NRG3: variants seen among roughly 807,000 people sequenced by gnomAD.
The protein encoded by NRG3 is neuregulin 3.
In NRG3, 31 loss-of-function variants were observed where a neutral mutation model predicts 66.9. The ratio of observed to expected loss-of-function variants is 0.46; its 90% CI spans 0.35 to 0.63. NRG3 has a LOEUF of 0.63. Among genes scored for constraint, NRG3 ranks in the 20% least tolerant of loss-of-function variants. The probability of loss-of-function intolerance (pLI) is 0.00; values close to 1 mark genes in which losing one functional copy is unlikely to be tolerated. For missense variants in NRG3, 910 were observed against 878.9 expected (o/e 1.04, Z -0.45); for synonymous variants, 393 against 359.4 (o/e 1.09, Z -1.06).
chr10:81,924,611 A>G (rs894627995), intron 1 of NRG3, among the ~76,000 whole-genome samples: 4 of 152,198 alleles, frequency 2.6e-5, no homozygotes, highest in Admixed American at 1.3e-4. Flanking sequence ...TAAGATGGCC[A>G]TCAACATGTG....
intron 3 of NRG3, among the ~76,000 whole-genome samples, chr10:82,828,238 G>A (rs1311114938): frequency 6.6e-6 from 1 of 152,168 alleles, no homozygotes; most frequent in East Asian, 1.9e-4. Context: ...AAAAACTTCT[G>A]CTAGGAATGT....
chr10:82,182,388 T>C (rs1420524386), intron 1 of NRG3, among the ~76,000 whole-genome samples: 1 of 151,892 alleles, frequency 6.6e-6, no homozygotes, highest in East Asian at 1.9e-4. Context: ...CATTGTTTTC[T>C]TTCTCATTTA....
chr10:82,927,071 G>T (rs1847074764), intron 4 of NRG3, among the ~76,000 whole-genome samples: 1 of 152,118 alleles, frequency 6.6e-6, no homozygotes, highest in Non-Finnish European at 1.5e-5. Context: ...TCAAAGGACT[G>T]CCCATCTGTC....
chr10:82,107,843 G>T (rs974636632), intron 1 of NRG3, among the ~76,000 whole-genome samples: 3 of 152,216 alleles, frequency 2.0e-5, no homozygotes, highest in Non-Finnish European at 4.4e-5. Context: ...AAACAGTTGA[G>T]TTTACATAGC....
chr10:82,483,513 T>G (rs1419172960), intron 2 of NRG3, among the ~76,000 whole-genome samples: 2 of 152,226 alleles, frequency 1.3e-5, no homozygotes, highest in Non-Finnish European at 1.5e-5. Context: ...TTGCTGATGA[T>G]GTAAAGTAGG....
At chr10:82,369,151 C>T in intron 2 of NRG3, among the ~76,000 whole-genome samples, 1 of 121,046 alleles carries the variant, frequency 8.3e-6, no homozygotes, top group South Asian at 2.2e-4. Context: ...TATGCGTAAA[C>T]CAAAATGTCA....
chr10:82,825,380 G>C (rs929378028), intron 3 of NRG3, among the ~76,000 whole-genome samples: 3 of 152,040 alleles, frequency 2.0e-5, no homozygotes, highest in Non-Finnish European at 4.4e-5. Flanking sequence ...ATACTTTACA[G>C]GTATTGCTCC....
At chr10:82,034,632 A>G (rs935239309) in intron 1 of NRG3, among the ~76,000 whole-genome samples, 6 of 152,078 alleles carry the variant, frequency 3.9e-5, no homozygotes, top group South Asian at 2.1e-4. Flanking sequence ...TGGGGAATGC[A>G]TTCATTCCCC....
chr10:82,741,131 A>G (rs2058404675), intron 3 of NRG3, among the ~76,000 whole-genome samples: 1 of 152,154 alleles, frequency 6.6e-6, no homozygotes, highest in East Asian at 1.9e-4. Flanking sequence ...GCTTAAATGG[A>G]AAAGCATTAT....
intron 1 of NRG3, among the ~76,000 whole-genome samples, chr10:81,892,701 A>G (rs1843141187): frequency 6.6e-6 from 1 of 152,172 alleles, no homozygotes; most frequent in Non-Finnish European, 1.5e-5. Flanking sequence ...AGAGGTAGGG[A>G]TGGTTGATGG....
intron 2 of NRG3, among the ~76,000 whole-genome samples, chr10:82,362,331 ATATGTGTGTGTGTGTGTG>A (rs1459053492): frequency 3.2e-5 from 4 of 123,772 alleles, no homozygotes; most frequent in African/African-American, 1.1e-4. Context: ...GTGTATATAT[ATATGTGTGTGTGTGTGTG>A]TGTGTGTGTG....
intron 2 of NRG3, among the ~76,000 whole-genome samples, chr10:82,379,766 A>T (rs1370219305): frequency 6.6e-6 from 1 of 152,074 alleles, no homozygotes; most frequent in Non-Finnish European, 1.5e-5. Context: ...CCAGAAGTAT[A>T]AAACCAGTGG....
At chr10:82,531,848 T>A (rs1847304292) in intron 2 of NRG3, among the ~76,000 whole-genome samples, 1 of 151,924 alleles carries the variant, frequency 6.6e-6, no homozygotes, top group Non-Finnish European at 1.5e-5. Context: ...ACCCTCTTAG[T>A]ATATTTCTAA....
At chr10:82,896,666 T>A (rs1418940812) in intron 4 of NRG3, among the ~76,000 whole-genome samples, 1 of 152,194 alleles carries the variant, frequency 6.6e-6, no homozygotes, top group Non-Finnish European at 1.5e-5. Context: ...CAAATGTGGC[T>A]TATAAGTCAG....
At chr10:82,219,123 T>G (rs1233829461) in intron 1 of NRG3, among the ~76,000 whole-genome samples, 1 of 151,806 alleles carries the variant, frequency 6.6e-6, no homozygotes, top group Admixed American at 6.6e-5. Context: ...TATTTCATCT[T>G]TAGCCATCAG....
At chr10:82,266,564 T>G (rs2078309405) in intron 1 of NRG3, among the ~76,000 whole-genome samples, 1 of 152,184 alleles carries the variant, frequency 6.6e-6, no homozygotes, top group Admixed American at 6.6e-5. Flanking sequence ...TTGGCAAGAC[T>G]GTTCAACTAT....
intron 3 of NRG3, among the ~76,000 whole-genome samples, chr10:82,854,676 G>C (rs1591734202): frequency 6.6e-6 from 1 of 152,286 alleles, no homozygotes; most frequent in East Asian, 1.9e-4. Flanking sequence ...TTGAAGAGTA[G>C]TTAACAAAAT....
intron 1 of NRG3, among the ~76,000 whole-genome samples, chr10:82,346,925 T>G (rs1408693283): frequency 6.6e-6 from 1 of 152,088 alleles, no homozygotes; most frequent in African/African-American, 2.4e-5. Flanking sequence ...CCTTTATCAT[T>G]TTTTATTGCG....
At chr10:82,656,868 G>T (rs1047946152) in intron 2 of NRG3, among the ~76,000 whole-genome samples, 12 of 152,024 alleles carry the variant, frequency 7.9e-5, no homozygotes, top group African/African-American at 2.9e-4. Flanking sequence ...CTTAAGCCAG[G>T]TCATGATGTA....
Sources: allele counts gnomAD v4.1 joint callset (sites outside exome capture counted in the v4.1 genomes callset), GRCh38; gene constraint gnomAD v4.1.1; transcripts MANE v1.5; gene names NCBI Gene and HGNC (gene_info 2026-07-23, HGNC 2026-07-21).